The following SORCS1 variants were observed in gnomAD, a reference collection of about 807,000 sequenced individuals.
SORCS1 encodes VPS10 domain-containing receptor SorCS1.
Under a neutral mutation model 146.1 loss-of-function variants are expected in SORCS1, and 60 were observed. The ratio of observed to expected loss-of-function variants is 0.41; its 90% CI spans 0.33 to 0.51. SORCS1 has a LOEUF of 0.51. SORCS1 is among the 20% of genes least tolerant of loss of function. The pLI is 0.21. For synonymous variants in SORCS1, 637 were observed against 584.0 expected, an observed-to-expected ratio of 1.09 and a Z score of -1.31; for missense variants, 1,352 against 1,487.6, an observed-to-expected ratio of 0.91 and a Z score of 1.50.
At chr10:107,011,149 T>C (rs1957680196) in intron 1 of SORCS1, among the ~76,000 whole-genome samples, 1 of 152,186 alleles carries the variant, frequency 6.6e-6, no homozygotes, top group East Asian at 1.9e-4. Flanking sequence ...GCAGCTTCCT[T>C]TATGGACCTC....
chr10:106,644,206 A>T (rs1242680025), intron 18 of SORCS1, among the ~76,000 whole-genome samples: 5 of 152,182 alleles, frequency 3.3e-5, no homozygotes, highest in African/African-American at 1.2e-4. Context: ...AAAATGTACA[A>T]ATCACTAAAT....
chr10:106,876,262 G>T (rs1045470509), intron 2 of SORCS1, among the ~76,000 whole-genome samples: 2 of 151,980 alleles, frequency 1.3e-5, no homozygotes, highest in African/African-American at 4.8e-5. Context: ...CATTATTTGT[G>T]CTTTATTATT....
intron 1 of SORCS1, among the ~76,000 whole-genome samples, chr10:107,149,273 A>T (rs1968575848): frequency 2.0e-5 from 3 of 152,212 alleles, no homozygotes; most frequent in Admixed American, 1.3e-4. Context: ...TTTCTGGGAC[A>T]TTTCCATGTA....
intron 4 of SORCS1, among the ~76,000 whole-genome samples, chr10:106,775,590 T>C (rs1254414779): frequency 1.3e-5 from 2 of 152,192 alleles, no homozygotes; most frequent in Non-Finnish European, 2.9e-5. Context: ...CCCCAGAATA[T>C]TCACCTCACT....
chr10:107,124,673 T>A (rs1966601700), intron 1 of SORCS1, among the ~76,000 whole-genome samples: 2 of 152,116 alleles, frequency 1.3e-5, no homozygotes, highest in African/African-American at 2.4e-5. Flanking sequence ...TCTGAGTCTA[T>A]GAGTCAGTGA....
chr10:106,703,779 C>G (rs2135781558), intron 8 of SORCS1, among the ~76,000 whole-genome samples: 1 of 152,290 alleles, frequency 6.6e-6, no homozygotes, highest in Admixed American at 6.5e-5. Flanking sequence ...GATCATTCCA[C>G]CCAAGCTGGG....
At chr10:107,128,629 C>T (rs1167731316) in intron 1 of SORCS1, among the ~76,000 whole-genome samples, 5 of 152,206 alleles carry the variant, frequency 3.3e-5, no homozygotes, top group Non-Finnish European at 5.9e-5. Flanking sequence ...ACCTGAACCA[C>T]AGCATAGGGA....
At chr10:107,099,948 C>T (rs982829840) in intron 1 of SORCS1, among the ~76,000 whole-genome samples, 1 of 152,164 alleles carries the variant, frequency 6.6e-6, no homozygotes. Context: ...TGATTATTTG[C>T]TATTACCTCT....
intron 1 of SORCS1, among the ~76,000 whole-genome samples, chr10:107,153,160 C>G (rs1968970301): frequency 6.6e-6 from 1 of 151,844 alleles, no homozygotes; most frequent in Non-Finnish European, 1.5e-5. Context: ...TTATGTCTCT[C>G]TGTCTCCTTC....
intron 7 of SORCS1, 81 bp downstream of exon 7, chr10:106,709,142 G>T: frequency 9.6e-7 from 1 of 1,038,402 alleles, no homozygotes; most frequent in Non-Finnish European, 1.5e-6. Flanking sequence ...GACTCTTAAT[G>T]GAGTGTAAAG....
chr10:106,913,145 A>T lies in SORCS1; in HGVS notation c.626+43368T>A, dbSNP rs993833796. Among the ~76,000 whole-genome samples, 5 of 152,046 alleles carry T rather than the reference A, an allele frequency of 3.3e-5. No individual in the cohort carries two copies. In the South Asian group the frequency reaches 8.3e-4, roughly 25 times the overall value. On this transcript the variant is annotated intron_variant, in intron 2 of 25. Coordinates refer to ENST00000263054, the MANE Select transcript of SORCS1 (RefSeq NM_052918.5). ...TTTGACCAGGTGTCATTTCCTAAAC[A>T]AACTCCTCCATGTCAATTCTCTTCA...
the SORCS1 span, among the ~76,000 whole-genome samples, chr10:107,175,888 T>C: frequency 1.3e-5 from 2 of 152,254 alleles, no homozygotes; most frequent in Non-Finnish European, 2.9e-5. Context: ...ATTAATGTCC[T>C]CTTCTTGATT....
intron 1 of SORCS1, among the ~76,000 whole-genome samples, chr10:107,097,627 T>C (rs571601767): frequency 6.6e-6 from 1 of 152,206 alleles, no homozygotes; most frequent in South Asian, 2.1e-4. Flanking sequence ...GCAGAGGCCA[T>C]ATTCTTCTTA....
At chr10:106,941,116 T>C (rs2138746880) in intron 2 of SORCS1, among the ~76,000 whole-genome samples, 1 of 152,310 alleles carries the variant, frequency 6.6e-6, no homozygotes, top group Middle Eastern at 3.4e-3. Flanking sequence ...ATAAAAATAT[T>C]TTGGGAATTT....
rs1295760122 is a variant in SORCS1 at position 106,577,307 on chromosome 10, C to A, written c.*113G>T. 3.7e-6 allele frequency: 6 copies of A among 1,607,804 alleles called. No homozygotes were observed. The highest frequency in any genetic ancestry group is 2.7e-5 in the African/African-American group (2 of 74,434). ...CTTCCTGGCAAAATAGGAAACAGAA[C>A]AACAAAGGAAAGAAAAAAAACACAA... On this transcript the variant is annotated 3_prime_UTR_variant, in exon 26 of 26. Coordinates refer to ENST00000263054, the MANE Select transcript of SORCS1 (RefSeq NM_052918.5).
rs142939177 is a variant in SORCS1, at chr10:106,808,604, A to G, written c.726+20970T>C. Among the ~76,000 whole-genome samples, 741 of 151,538 alleles carry G rather than the reference A, an allele frequency of 4.9e-3. 8 individuals carry two copies. The highest frequency in any genetic ancestry group is 0.016 in the African/African-American group (660 of 41,302). On this transcript the variant is annotated intron_variant, in intron 3 of 25. Transcript: ENST00000263054. ...TGCAAGCTCCGCCTCCCGGGTTCAC[A>G]CCATTCTCCTGCCTCAGCCTCCCTA... is the stretch of plus-strand genomic sequence containing the variant.
At chr10:106,990,920 T>TA (rs11412014) in intron 1 of SORCS1, among the ~76,000 whole-genome samples, 121,801 of 152,148 alleles carry the variant, frequency 0.8, 49,270 homozygotes, top group African/African-American at 0.92. Flanking sequence ...TGAATGATTT[T>TA]AAATTTGTGA....
intron 3 of SORCS1, among the ~76,000 whole-genome samples, chr10:106,787,344 T>C (rs545724324): frequency 5.6e-4 from 85 of 152,308 alleles, no homozygotes; most frequent in Middle Eastern, 3.4e-3. Context: ...ATCCTTGGGC[T>C]AACAACAACA....
intron 1 of SORCS1, among the ~76,000 whole-genome samples, chr10:106,985,024 C>G (rs1351032013): frequency 6.6e-6 from 1 of 151,960 alleles, no homozygotes; most frequent in Non-Finnish European, 1.5e-5. Flanking sequence ...CCCGTCTCTA[C>G]TGAAATTACA....
Sources: gnomAD v4.1 joint callset for allele counts (sites outside exome capture counted in the v4.1 genomes callset) on GRCh38, gnomAD v4.1.1 for gene constraint, MANE v1.5 for transcripts, NCBI Gene and HGNC (gene_info 2026-07-23, HGNC 2026-07-21) for gene names.